The following LDLRAD4 variants were observed in gnomAD, a reference collection of about 807,000 sequenced individuals.
LDLRAD4 encodes the protein low density lipoprotein receptor class A domain containing 4.
LDLRAD4 carries 5 observed loss-of-function variants against 17.0 expected under a neutral mutation model. The ratio of observed to expected loss-of-function variants is 0.29; its 90% confidence interval spans 0.15 to 0.62. The LOEUF is 0.62. LDLRAD4 is among the 20% of genes least tolerant of loss of function. The pLI, the probability that LDLRAD4 is intolerant of heterozygous loss-of-function variation, is 0.84. For missense variants in LDLRAD4, 340 were observed against 424.7 expected (o/e 0.80, Z 1.75); for synonymous variants, 168 against 171.8 (o/e 0.98, Z 0.17).
chr18:13,250,441 C>G (rs1304107841), intron 1 of LDLRAD4, among the ~76,000 whole-genome samples: 1 of 151,104 alleles, frequency 6.6e-6, no homozygotes, highest in Non-Finnish European at 1.5e-5. Context: ...ATCAATGAAA[C>G]AAAAAGTTGG....
At chr18:13,226,776 A>T in intron 1 of LDLRAD4, among the ~76,000 whole-genome samples, 1 of 152,142 alleles carries the variant, frequency 6.6e-6, no homozygotes, top group East Asian at 1.9e-4. Flanking sequence ...AATTCTACTC[A>T]GGTAGGTTCA....
At chr18:13,641,649 G>A (rs371787432) in intron 4 of LDLRAD4, 55 of 549,872 alleles carry the variant, frequency 1.0e-4, no homozygotes, top group African/African-American at 8.3e-4. Context: ...GAGAGGCGGC[G>A]GCCCAGAGGA....
chr18:13,594,688 A>AAAAAAAAAAAAAAAAAAC (rs2095072565), intron 3 of LDLRAD4, among the ~76,000 whole-genome samples: 2 of 149,418 alleles, frequency 1.3e-5, no homozygotes, highest in Admixed American at 6.6e-5. Flanking sequence ...AAAAAAAAAA[A>AAAAAAAAAAAAAAAAAAC]AGAAACAGGA....
At chr18:13,431,067 T>G (rs2146033923) in intron 2 of LDLRAD4, among the ~76,000 whole-genome samples, 1 of 152,282 alleles carries the variant, frequency 6.6e-6, no homozygotes, top group South Asian at 2.1e-4. Flanking sequence ...GGCTTTAGAG[T>G]TCTATAGACA....
At chr18:13,228,306 T>C (rs566068187) in intron 1 of LDLRAD4, among the ~76,000 whole-genome samples, 1 of 152,284 alleles carries the variant, frequency 6.6e-6, no homozygotes, top group East Asian at 1.9e-4. Flanking sequence ...CCACAGTCCT[T>C]GGCGGTTCTC....
At chr18:13,302,694 C>G (rs1376033643) in intron 1 of LDLRAD4, among the ~76,000 whole-genome samples, 3 of 152,144 alleles carry the variant, frequency 2.0e-5, no homozygotes, top group Non-Finnish European at 4.4e-5. Flanking sequence ...TCTGCAACTA[C>G]AGAGGGAAAG....
At chr18:13,399,627 C>T (rs1478339191) in intron 2 of LDLRAD4, among the ~76,000 whole-genome samples, 2 of 152,204 alleles carry the variant, frequency 1.3e-5, no homozygotes, top group South Asian at 2.1e-4. Context: ...GACCCCAGCT[C>T]GCTATCTGCA....
chr18:13,264,120 T>C (rs2146009113), intron 1 of LDLRAD4, among the ~76,000 whole-genome samples: 1 of 152,290 alleles, frequency 6.6e-6, no homozygotes, highest in Non-Finnish European at 1.5e-5. Context: ...GCCCCACCTG[T>C]CCCTTTCCAG....
chr18:13,503,364 G>A (rs756459218), intron 3 of LDLRAD4, among the ~76,000 whole-genome samples: 2 of 152,182 alleles, frequency 1.3e-5, no homozygotes, highest in African/African-American at 2.4e-5. Flanking sequence ...GTTCCCAGCC[G>A]GCAGCGTGGT....
chr18:13,343,472 C>A (rs1185781037), intron 1 of LDLRAD4, among the ~76,000 whole-genome samples: 1 of 151,966 alleles, frequency 6.6e-6, no homozygotes. Flanking sequence ...TTTCTTAATC[C>A]AGTCTATTGT....
intron 1 of LDLRAD4, among the ~76,000 whole-genome samples, chr18:13,230,629 G>A (rs892134417): frequency 2.6e-5 from 4 of 151,918 alleles, no homozygotes; most frequent in African/African-American, 4.8e-5. Flanking sequence ...GTTAAGACAG[G>A]GGGAGGGCAG....
At chr18:13,527,581 G>A (rs890328902) in intron 3 of LDLRAD4, among the ~76,000 whole-genome samples, 1 of 152,214 alleles carries the variant, frequency 6.6e-6, no homozygotes, top group African/African-American at 2.4e-5. Flanking sequence ...GGGCTTTCTG[G>A]CTTCTCACCT....
intron 4 of LDLRAD4, among the ~76,000 whole-genome samples, chr18:13,638,432 G>T (rs1459100135): frequency 6.6e-6 from 1 of 152,160 alleles, no homozygotes; most frequent in Non-Finnish European, 1.5e-5. Context: ...ATTGTCATCA[G>T]ATAATTCTTG....
intron 3 of LDLRAD4, among the ~76,000 whole-genome samples, chr18:13,537,573 G>A (rs1054082140): frequency 2.0e-5 from 3 of 152,100 alleles, no homozygotes; most frequent in African/African-American, 4.8e-5. Context: ...CTCACCCACC[G>A]CTCACCTCCT....
At chr18:13,408,824 C>T (rs1336401083) in intron 2 of LDLRAD4, among the ~76,000 whole-genome samples, 2 of 152,134 alleles carry the variant, frequency 1.3e-5, no homozygotes, top group Admixed American at 6.6e-5. Flanking sequence ...TCTCCCGTAG[C>T]TCCTTTTTTT....
intron 1 of LDLRAD4, among the ~76,000 whole-genome samples, chr18:13,233,672 G>A (rs993500595): frequency 2.6e-5 from 4 of 152,098 alleles, no homozygotes; most frequent in African/African-American, 9.7e-5. Flanking sequence ...GTGGAGAGAG[G>A]TTTCTGAGCC....
At chr18:13,363,936 G>C (rs966113038) in intron 1 of LDLRAD4, among the ~76,000 whole-genome samples, 4 of 152,164 alleles carry the variant, frequency 2.6e-5, no homozygotes, top group African/African-American at 9.7e-5. Flanking sequence ...CATGTACTAT[G>C]CTTGTTTCTT....
At chr18:13,651,059 T>C (rs2043226121) in exon 6 of LDLRAD4, 1 of 152,258 alleles carries the variant, frequency 6.6e-6, no homozygotes, top group African/African-American at 2.4e-5. Context: ...GGACCAGTGT[T>C]AGTTATATTT....
chr18:13,298,568 T>TG (rs1269369695), intron 1 of LDLRAD4, among the ~76,000 whole-genome samples: 1 of 149,232 alleles, frequency 6.7e-6, no homozygotes, highest in Non-Finnish European at 1.5e-5. Flanking sequence ...GGCACGGTGA[T>TG]GGAGCTGCTC....
Sources: gnomAD v4.1 joint callset for allele counts (sites outside exome capture counted in the v4.1 genomes callset) on GRCh38, gnomAD v4.1.1 for gene constraint, MANE v1.5 for transcripts, NCBI Gene and HGNC (gene_info 2026-07-23, HGNC 2026-07-21) for gene names.